The following DNAH6 variants were observed in gnomAD, a reference collection of about 807,000 sequenced individuals.
The protein encoded by DNAH6 is dynein axonemal heavy chain 6.
A neutral mutation model predicts 491.4 loss-of-function variants in DNAH6; 340 were observed. The observed-to-expected ratio is 0.69, with a 90% CI of 0.63 to 0.76. The LOEUF is 0.76. DNAH6 is among the 30% of genes least tolerant of loss of function. The probability of loss-of-function intolerance (pLI) is 0.00; values close to 1 mark genes in which losing one functional copy is unlikely to be tolerated. For synonymous variants in DNAH6, 1,603 were observed against 1,686.1 expected (o/e 0.95, Z 1.21); for missense variants, 4,443 against 4,972.2 (o/e 0.89, Z 3.20).
intron 11 of DNAH6, among the ~76,000 whole-genome samples, chr2:84,573,001 A>G (rs1236023086): frequency 6.6e-6 from 1 of 152,234 alleles, no homozygotes; most frequent in African/African-American, 2.4e-5. Flanking sequence ...AGTATGAAGG[A>G]TATTTTGGAG....
At chr2:84,537,298 T>C (rs1348501626) in intron 4 of DNAH6, among the ~76,000 whole-genome samples, 3 of 152,080 alleles carry the variant, frequency 2.0e-5, no homozygotes, top group Admixed American at 6.6e-5. Flanking sequence ...AGCTTTTGAC[T>C]TCCCATAGTT....
chr2:84,549,941 G>A lies in DNAH6; in HGVS notation c.1369G>A (p.Val457Ile), dbSNP rs772882396. The change falls in exon 9 of 77, where the codon GTA becomes ATA. Residue 457 changes from valine (V) to isoleucine (I), a missense_variant. Physicochemically the swap from Val to Ile is conservative, Grantham distance 29. Coordinates refer to ENST00000389394, the MANE Select transcript of DNAH6 (RefSeq NM_001370.2). ...TGAGAACACAATGCACATCTTAACGGTAAATGCTGTTAATTCGCTTTTGAA... is the reference window on the plus strand; with the variant it reads ...TGAGAACACAATGCACATCTTAACGATAAATGCTGTTAATTCGCTTTTGAA... ...LIENTMHILTVNAVNSLLNHL... is the reference protein window; with the variant it reads ...LIENTMHILTINAVNSLLNHL... The A allele has an allele frequency of 9.9e-6, 16 of 1,613,748 alleles. No individual in the cohort carries two copies. The highest frequency in any genetic ancestry group is 1.2e-5 in the Non-Finnish European group (14 of 1,179,884).
rs767449332 is a variant in DNAH6 at position 84,532,886 on chromosome 2, C to T, written c.662+3720C>T. Among the ~76,000 whole-genome samples the T allele has an allele frequency of 2.0e-5, 3 of 151,992 alleles. No homozygotes were observed. In the South Asian group the frequency reaches 6.2e-4, roughly 32 times the overall value. ...AAGTTATAAGTTATTTGCAAAATTCCCTTATTAACTAACTCTATGCACATC... is the reference window on the plus strand; with the variant it reads ...AAGTTATAAGTTATTTGCAAAATTCTCTTATTAACTAACTCTATGCACATC... On this transcript the variant is annotated intron_variant, in intron 4 of 76. Coordinates refer to ENST00000389394, the MANE Select transcript of DNAH6 (RefSeq NM_001370.2).
chr2:84,547,716 T>A, intron 7 of DNAH6, 104 bp downstream of exon 7: 1 of 1,214,614 alleles, frequency 8.2e-7, no homozygotes, highest in Non-Finnish European at 1.1e-6. Context: ...ATTCTATGTT[T>A]GAATTGTTCC....
intron 64 of DNAH6, among the ~76,000 whole-genome samples, chr2:84,764,167 T>A (rs535353853): frequency 1.1e-4 from 16 of 152,326 alleles, no homozygotes; most frequent in African/African-American, 3.4e-4. Context: ...AAATATCTCA[T>A]GCCTCAGACA....
chr2:84,506,512 G>C, the DNAH6 span, among the ~76,000 whole-genome samples: 1 of 152,230 alleles, frequency 6.6e-6, no homozygotes, highest in South Asian at 2.1e-4. Context: ...CTCCTATTCT[G>C]TAGGTTGCCT....
At chr2:84,743,935 A>T (rs1216040571) in intron 62 of DNAH6, among the ~76,000 whole-genome samples, 1 of 152,214 alleles carries the variant, frequency 6.6e-6, no homozygotes, top group Non-Finnish European at 1.5e-5. Context: ...AAATAATGAG[A>T]ACCTCACTGG....
intron 70 of DNAH6, among the ~76,000 whole-genome samples, chr2:84,803,662 T>TA (rs1180529017): frequency 6.6e-6 from 1 of 151,980 alleles, no homozygotes; most frequent in Non-Finnish European, 1.5e-5. Flanking sequence ...TTTAAATACT[T>TA]AAAGTGCAAA....
At chr2:84,548,503 T>C (rs1458068405) in intron 8 of DNAH6, 86 bp downstream of exon 8, 1 of 1,463,566 alleles carries the variant, frequency 6.8e-7, no homozygotes. Flanking sequence ...GATGACTATG[T>C]TAATTTGCAT....
intron 11 of DNAH6, among the ~76,000 whole-genome samples, chr2:84,558,819 G>A (rs536008243): frequency 2.0e-5 from 3 of 152,028 alleles, no homozygotes; most frequent in South Asian, 2.1e-4. Context: ...ATTATTCCTC[G>A]GCTTGCTTCT....
intron 51 of DNAH6, among the ~76,000 whole-genome samples, chr2:84,705,154 G>A (rs1456681985): frequency 6.6e-6 from 1 of 152,196 alleles, no homozygotes; most frequent in African/African-American, 2.4e-5. Flanking sequence ...TGATTTTAAG[G>A]GTGGGAACTA....
At position 84,718,326 on chromosome 2, in the gene DNAH6, C is replaced by A. The variant is rs371653866; in HGVS notation, c.9734C>A (p.Thr3245Asn). The A allele has an allele frequency of 2.6e-5, 40 of 1,551,042 alleles. No homozygotes were observed. In the Middle Eastern group the frequency reaches 1.7e-3, roughly 64 times the overall value. ...IEEKILRMLF[T>N]SEGNILDNEE... Reference sequence around the variant, plus strand: ...GAGAAAATCCTGAGAATGCTCTTTACCTCTGAAGGAAATATTCTGGACAAT... The same window carrying A: ...GAGAAAATCCTGAGAATGCTCTTTAACTCTGAAGGAAATATTCTGGACAAT... The change falls in exon 59 of 77, where the codon ACC becomes AAC. Residue 3245 changes from threonine to asparagine, a missense_variant. Coordinates refer to ENST00000389394, the MANE Select transcript of DNAH6 (RefSeq NM_001370.2).
chr2:84,710,064 G>A (rs1696883552), intron 55 of DNAH6, among the ~76,000 whole-genome samples: 1 of 152,208 alleles, frequency 6.6e-6, no homozygotes, highest in South Asian at 2.1e-4. Context: ...TCTGTTCCCA[G>A]ATGACTCTTT....
intron 41 of DNAH6, among the ~76,000 whole-genome samples, chr2:84,679,816 TG>T (rs1437777216): frequency 6.6e-6 from 1 of 152,246 alleles, no homozygotes; most frequent in African/African-American, 2.4e-5. Context: ...CCTGTCCTCA[TG>T]GATCTTCTTC....
intron 71 of DNAH6, among the ~76,000 whole-genome samples, chr2:84,806,618 CAAAAAAAA>C (rs1162301447): frequency 5.2e-5 from 2 of 38,504 alleles, no homozygotes; most frequent in African/African-American, 9.3e-5. Flanking sequence ...GACTCAGTCT[CAAAAAAAA>C]AAAAAAAAAA....
chr2:84,552,911 A>T lies in DNAH6; in HGVS notation c.1486-7A>T. On this transcript the variant is annotated splice_polypyrimidine_tract_variant and splice_region_variant and intron_variant, in intron 9 of 76. Transcript: ENST00000389394. ...TCTTTATAACACTGTACATATATTC[A>T]TTTCAGGGGACCCTTATGGTGGAAA... The T allele has an allele frequency of 5.7e-6, 9 of 1,574,068 alleles. No homozygotes were observed. Among genetic ancestry groups the T allele is most frequent in the Non-Finnish European group, 7.0e-6 (8 of 1,147,854 alleles).
At chr2:84,593,126 A>G (rs1684265112) in intron 16 of DNAH6, among the ~76,000 whole-genome samples, 1 of 152,216 alleles carries the variant, frequency 6.6e-6, no homozygotes, top group Non-Finnish European at 1.5e-5. Context: ...AAGTTAAAAA[A>G]TAAATTTTTA....
At chr2:84,564,816 G>C (rs1466407020) in intron 11 of DNAH6, among the ~76,000 whole-genome samples, 3 of 152,134 alleles carry the variant, frequency 2.0e-5, no homozygotes, top group East Asian at 3.9e-4. Flanking sequence ...TATGATGTTG[G>C]CTGTGTGTTT....
rs59272430 is a variant in DNAH6 at position 84,781,307 on chromosome 2, A to G, written c.10704-186A>G. Among the ~76,000 whole-genome samples, 8,085 of 152,218 alleles carry G rather than the reference A, an allele frequency of 0.053. 302 individuals are homozygous for G. The highest frequency in any genetic ancestry group is 0.1 in the African/African-American group (4,285 of 41,514). On this transcript the variant is annotated intron_variant, in intron 64 of 76. Transcript: ENST00000389394. ...GTATATTCGGTTTTTGCACTTTTCTATGTGGGTCATGGTAAAAATATTTTT... is the reference window on the plus strand; with the variant it reads ...GTATATTCGGTTTTTGCACTTTTCTGTGTGGGTCATGGTAAAAATATTTTT...
Sources: gnomAD v4.1 joint callset for allele counts (sites outside exome capture counted in the v4.1 genomes callset) on GRCh38, gnomAD v4.1.1 for gene constraint, MANE v1.5 for transcripts, NCBI Gene and HGNC (gene_info 2026-07-23, HGNC 2026-07-21) for gene names.